The following MBD5 variants were observed in gnomAD, a reference collection of about 807,000 sequenced individuals.
The protein encoded by MBD5 is methyl-CpG binding domain protein 5, also known as methyl-CpG-binding domain protein 5.
A neutral mutation model predicts 117.3 loss-of-function variants in MBD5; 13 were observed. The ratio of observed to expected loss-of-function variants is 0.11; its 90% CI spans 0.07 to 0.18. The LOEUF (loss-of-function observed/expected upper bound fraction) is 0.18, where lower values mean the gene tolerates loss of function less well. Among genes scored for constraint, MBD5 ranks in the 10% least tolerant of loss-of-function variants. The probability of loss-of-function intolerance (pLI) is 1.00; values close to 1 mark genes in which losing one functional copy is unlikely to be tolerated. For synonymous variants in MBD5, 727 were observed against 766.4 expected (o/e 0.95, Z 0.85); for missense variants, 1,879 against 2,093.8 (o/e 0.90, Z 2.00).
At chr2:148,073,326 T>C (rs1377395873) in intron 1 of MBD5, among the ~76,000 whole-genome samples, 1 of 152,154 alleles carries the variant, frequency 6.6e-6, no homozygotes, top group East Asian at 1.9e-4. Context: ...TTTCTCCTGA[T>C]GTACAAATTA....
Position 148,196,321 on chromosome 2 carries a change from C to T in MBD5, c.-831+17528C>T, listed in dbSNP as rs1000980914. 4.0e-5 allele frequency: 6 copies of T among 151,844 alleles called. No homozygotes were observed. In the South Asian group the frequency reaches 8.3e-4, roughly 21 times the overall value. 9.4% of individuals were successfully genotyped at this position (151,844 alleles called of 1,614,324 possible). A position where few individuals can be genotyped will look rare whatever the true frequency, so the allele number is the denominator to read the frequency against. ...TCCACTACGGTTTCATTTATATTGC[C>T]GTAATCTGTTATGACTAGTGTAGGT... On this transcript the variant is annotated intron_variant, in intron 2 of 13. Transcript: ENST00000642680.
At chr2:148,201,385 C>T (rs1329302245) in intron 2 of MBD5, among the ~76,000 whole-genome samples, 2 of 152,180 alleles carry the variant, frequency 1.3e-5, no homozygotes, top group South Asian at 4.1e-4. Flanking sequence ...TACCCACGAC[C>T]CTGAAGCCCC....
At chr2:148,445,311 A>G (rs952100672) in intron 4 of MBD5, among the ~76,000 whole-genome samples, 24 of 141,340 alleles carry the variant, frequency 1.7e-4, no homozygotes, top group East Asian at 6.4e-4. Flanking sequence ...GACAGGCCCC[A>G]GTGTGTGATG....
chr2:148,168,400 T>G (rs1249274792), intron 1 of MBD5, among the ~76,000 whole-genome samples: 1 of 152,178 alleles, frequency 6.6e-6, no homozygotes, highest in Admixed American at 6.5e-5. Flanking sequence ...ATTCTGGAAA[T>G]GTAGGCAATT....
intron 2 of MBD5, among the ~76,000 whole-genome samples, chr2:148,219,008 T>C (rs542670888): frequency 2.0e-4 from 30 of 152,346 alleles, no homozygotes; most frequent in African/African-American, 6.5e-4. Context: ...TTACTGTAAC[T>C]TTTACTTTAT....
At chr2:148,118,536 G>C (rs916665615) in intron 1 of MBD5, among the ~76,000 whole-genome samples, 2 of 151,630 alleles carry the variant, frequency 1.3e-5, no homozygotes, top group African/African-American at 4.8e-5. Context: ...TTAAGCCCAG[G>C]AGTTCAAAGT....
chr2:148,496,884 AACTATTGT>A, intron 11 of MBD5, among the ~76,000 whole-genome samples: 1 of 152,206 alleles, frequency 6.6e-6, no homozygotes, highest in Non-Finnish European at 1.5e-5. Context: ...CTGCCATGAG[AACTATTGT>A]ACTATTGTTG....
At chr2:148,396,378 A>G (rs750164350) in intron 4 of MBD5, among the ~76,000 whole-genome samples, 2 of 152,204 alleles carry the variant, frequency 1.3e-5, no homozygotes, top group African/African-American at 4.8e-5. Context: ...CCTGTTTTCA[A>G]TATCTAACAT....
intron 1 of MBD5, among the ~76,000 whole-genome samples, chr2:148,163,628 T>A (rs1698060575): frequency 6.6e-6 from 1 of 152,160 alleles, no homozygotes; most frequent in South Asian, 2.1e-4. Context: ...TTGGTCAGGC[T>A]GGTCTGGAAC....
intron 9 of MBD5, among the ~76,000 whole-genome samples, chr2:148,484,360 T>TA (rs1329409181): frequency 6.6e-6 from 1 of 152,222 alleles, no homozygotes; most frequent in East Asian, 1.9e-4. Flanking sequence ...AAATATCATT[T>TA]TAATCTGCTT....
intron 1 of MBD5, among the ~76,000 whole-genome samples, chr2:148,124,245 C>CTCCA (rs1320222736): frequency 6.6e-6 from 1 of 152,134 alleles, no homozygotes; most frequent in Non-Finnish European, 1.5e-5. Flanking sequence ...GCCCACTGCA[C>CTCCA]TCCAGCCTGG....
At chr2:148,263,006 T>C (rs1191921178) in intron 3 of MBD5, among the ~76,000 whole-genome samples, 2 of 152,170 alleles carry the variant, frequency 1.3e-5, no homozygotes, top group Admixed American at 6.6e-5. Context: ...GAACACTGAG[T>C]GTGATTCAAA....
chr2:148,390,364 TTC>T, intron 4 of MBD5, among the ~76,000 whole-genome samples: 1 of 151,912 alleles, frequency 6.6e-6, no homozygotes, highest in South Asian at 2.1e-4. Flanking sequence ...AAGGCCGTAT[TTC>T]TATATGCAGT....
chr2:148,513,809 T>C lies in MBD5; in HGVS notation c.*868T>C, dbSNP rs1270870395. On this transcript the variant is annotated 3_prime_UTR_variant, in exon 14 of 14. Coordinates refer to ENST00000642680, the MANE Select transcript of MBD5 (RefSeq NM_001378120.1). ...AGCCATTTCTGTAGTTAACATTTGA[T>C]AGCCACCTGTTGAAGCAGATAGCTT... is the stretch of plus-strand genomic sequence containing the variant. 6.6e-6 allele frequency: 1 copy of C among 152,248 alleles called. No homozygotes were observed. The highest frequency in any genetic ancestry group is 1.5e-5 in the Non-Finnish European group (1 of 68,032). 9.4% of individuals were successfully genotyped at this position (152,248 alleles called of 1,614,324 possible).
At chr2:148,309,080 A>C (rs186589571) in intron 3 of MBD5, among the ~76,000 whole-genome samples, 1 of 152,046 alleles carries the variant, frequency 6.6e-6, no homozygotes, top group Admixed American at 6.6e-5. Flanking sequence ...TTTGAAGTCA[A>C]GTAGCATGAT....
chr2:148,089,352 A>G (rs1695878380), intron 1 of MBD5, among the ~76,000 whole-genome samples: 1 of 152,138 alleles, frequency 6.6e-6, no homozygotes, highest in Non-Finnish European at 1.5e-5. Flanking sequence ...TGGACTTAAC[A>G]GATATTTGCA....
rs1444503661 is a variant in MBD5, at chr2:148,153,438, G to A, written c.-924-25262G>A. On this transcript the variant is annotated intron_variant, in intron 1 of 13. Transcript: ENST00000642680. The stretch of plus-strand genomic sequence containing the variant: ...GTGTCTTGGAGTTGCTCTTCTCGAG[G>A]AGTATCTTTGTGGCGTTCTCTGTAT... Among the ~76,000 whole-genome samples, 3 of 137,980 alleles carry A rather than the reference G, an allele frequency of 2.2e-5. No homozygotes were observed. The East Asian group carries it at 6.7e-4, about 31-fold the overall frequency. The allele number at this position is 137,980 out of a possible 152,430, so 90.5% of individuals were successfully genotyped here.
chr2:148,319,753 G>A (rs965321339), intron 3 of MBD5, among the ~76,000 whole-genome samples: 1 of 152,112 alleles, frequency 6.6e-6, no homozygotes, highest in African/African-American at 2.4e-5. Context: ...ATTTTTCTAT[G>A]TTTCCTGATT....
At chr2:148,430,260 T>C (rs1705941940) in intron 4 of MBD5, among the ~76,000 whole-genome samples, 2 of 152,156 alleles carry the variant, frequency 1.3e-5, no homozygotes, top group South Asian at 4.1e-4. Context: ...GAACAATCTA[T>C]TATCTTCATT....
Sources: gnomAD v4.1 joint callset for allele counts (sites outside exome capture counted in the v4.1 genomes callset) on GRCh38, gnomAD v4.1.1 for gene constraint, MANE v1.5 for transcripts, NCBI Gene and HGNC (gene_info 2026-07-23, HGNC 2026-07-21) for gene names.